The following DPH6 variants were observed in gnomAD, a reference collection of about 807,000 sequenced individuals.
DPH6 encodes diphthamine biosynthesis 6.
In DPH6, 33 loss-of-function variants were observed where a neutral mutation model predicts 38.2. The ratio of observed to expected loss-of-function variants is 0.86; its 90% CI spans 0.65 to 1.15. The LOEUF is 1.15. DPH6 is among the 50% of genes most tolerant of loss of function. The pLI, the probability that DPH6 is intolerant of heterozygous loss-of-function variation, is 0.00. For synonymous variants in DPH6, 108 were observed against 103.0 expected (o/e 1.05, Z -0.30); for missense variants, 325 against 320.0 (o/e 1.02, Z -0.12).
chr15:35,317,382 AAAAG>A (rs967128738), intron 3 of DPH6, among the ~76,000 whole-genome samples: 6 of 146,220 alleles, frequency 4.1e-5, no homozygotes, highest in East Asian at 2.0e-4. Flanking sequence ...AAAGGAAAGA[AAAAG>A]AAAGAAAAGG....
intron 3 of DPH6, among the ~76,000 whole-genome samples, chr15:35,536,709 A>G (rs972517737): frequency 6.6e-6 from 1 of 152,024 alleles, no homozygotes; most frequent in South Asian, 2.1e-4. Flanking sequence ...ATCATTTTAT[A>G]ATATTGGTTT....
intron 3 of DPH6, among the ~76,000 whole-genome samples, chr15:35,273,154 A>T (rs942402780): frequency 2.0e-5 from 3 of 151,952 alleles, no homozygotes; most frequent in South Asian, 2.1e-4. Flanking sequence ...AAAAAAAAAA[A>T]TTTAATTTCC....
chr15:35,326,440 A>T (rs1174001416), downstream of DPH6, among the ~76,000 whole-genome samples: 1 of 150,344 alleles, frequency 6.7e-6, no homozygotes, highest in Non-Finnish European at 1.5e-5. Flanking sequence ...TTTAAAAAGA[A>T]TTTTTTTTTT....
chr15:35,526,813 C>T (rs2055010249), intron 3 of DPH6, among the ~76,000 whole-genome samples: 3 of 152,116 alleles, frequency 2.0e-5, no homozygotes. Flanking sequence ...AAAAAATCAC[C>T]TATTAGAACC....
At position 35,299,479 on chromosome 15, in the gene DPH6, GC is replaced by G. The variant is rs1362901455; in HGVS notation, n.200+74041del. On this transcript the variant is annotated intron_variant and non_coding_transcript_variant, in intron 3 of 3. Coordinates refer to the DPH6 transcript ENST00000560386. Reference sequence around the variant, plus strand: ...TAATGCCGGCCCGCCCGCCGACTCTGCCCATGGGCCGCGGTGGCGGCAGCGC... The same window carrying G: ...TAATGCCGGCCCGCCCGCCGACTCTGCCATGGGCCGCGGTGGCGGCAGCGC... The G allele has an allele frequency of 8.5e-5, 64 of 755,834 alleles. No homozygotes were observed. In the Admixed American group the frequency reaches 1.0e-3, roughly 12 times the overall value. 46.8% of individuals were successfully genotyped at this position (755,834 alleles called of 1,614,324 possible).
At chr15:35,357,529 T>A (rs571993207) in intron 3 of DPH6, among the ~76,000 whole-genome samples, 1 of 152,374 alleles carries the variant, frequency 6.6e-6, no homozygotes, top group African/African-American at 2.4e-5. Context: ...TTTTCAGGAT[T>A]TATTTCAAGA....
chr15:35,498,329 G>A (rs1175065099), intron 3 of DPH6, among the ~76,000 whole-genome samples: 1 of 152,100 alleles, frequency 6.6e-6, no homozygotes, highest in Admixed American at 6.6e-5. Flanking sequence ...ACTGGTACTA[G>A]TTCTTACTCC....
intron 3 of DPH6, among the ~76,000 whole-genome samples, chr15:35,224,876 C>T (rs930247898): frequency 1.3e-5 from 2 of 152,192 alleles, no homozygotes; most frequent in African/African-American, 4.8e-5. Context: ...GTGTACCACT[C>T]AACCAATCTC....
chr15:35,499,402 T>C (rs2054597559), intron 3 of DPH6, among the ~76,000 whole-genome samples: 1 of 152,182 alleles, frequency 6.6e-6, no homozygotes, highest in Non-Finnish European at 1.5e-5. Flanking sequence ...GGCTGGTATT[T>C]GTATCTCCTC....
intron 3 of DPH6, among the ~76,000 whole-genome samples, chr15:35,282,010 A>G (rs1455814267): frequency 1.3e-5 from 2 of 152,220 alleles, no homozygotes; most frequent in African/African-American, 4.8e-5. Context: ...TTTAGACAAC[A>G]TAGTATTCAA....
chr15:35,259,402 T>G (rs1210863210), intron 3 of DPH6, among the ~76,000 whole-genome samples: 1 of 152,192 alleles, frequency 6.6e-6, no homozygotes, highest in Admixed American at 6.5e-5. Context: ...GAGCAGCTGC[T>G]TTCACGCAAA....
At chr15:35,276,245 G>A (rs2051858411) in intron 3 of DPH6, among the ~76,000 whole-genome samples, 1 of 152,136 alleles carries the variant, frequency 6.6e-6, no homozygotes, top group African/African-American at 2.4e-5. Context: ...TTTGAGAACT[G>A]TCTATTCATG....
chr15:35,540,705 T>G (rs774585801), intron 2 of DPH6, among the ~76,000 whole-genome samples: 66 of 152,092 alleles, frequency 4.3e-4, no homozygotes, highest in Non-Finnish European at 7.4e-4. Flanking sequence ...CTGAGAGGTA[T>G]AATTTAAAAA....
At chr15:35,324,625 AG>A (rs1367379043) in intron 3 of DPH6, among the ~76,000 whole-genome samples, 1 of 152,226 alleles carries the variant, frequency 6.6e-6, no homozygotes, top group East Asian at 1.9e-4. Flanking sequence ...ACTGAAAGTG[AG>A]AACATACATT....
chr15:35,516,755 T>C (rs763322129), intron 3 of DPH6, among the ~76,000 whole-genome samples: 1 of 152,168 alleles, frequency 6.6e-6, no homozygotes, highest in Non-Finnish European at 1.5e-5. Context: ...ACATGCCACA[T>C]AGTAACCCTA....
At chr15:35,491,799 TTA>T (rs1434877402) in intron 3 of DPH6, among the ~76,000 whole-genome samples, 8 of 150,146 alleles carry the variant, frequency 5.3e-5, no homozygotes, top group African/African-American at 1.5e-4. Flanking sequence ...TTATATATAT[TTA>T]TGTGTGTATA....
At chr15:35,364,667 T>C (rs2052641883) in intron 3 of DPH6, among the ~76,000 whole-genome samples, 2 of 152,118 alleles carry the variant, frequency 1.3e-5, no homozygotes, top group Admixed American at 1.3e-4. Flanking sequence ...TCTTTGAAAG[T>C]AGCCTGTTTT....
downstream of DPH6, among the ~76,000 whole-genome samples, chr15:35,213,973 G>A (rs534382471): frequency 6.4e-4 from 97 of 152,252 alleles, no homozygotes; most frequent in Middle Eastern, 3.4e-3. Context: ...TTAGCCAGAC[G>A]TGGTGGCGGG....
intron 6 of DPH6, chr15:35,396,539 T>G (rs934432461): frequency 1.3e-5 from 2 of 152,212 alleles, no homozygotes; most frequent in African/African-American, 2.4e-5. Context: ...AAAAATCCTA[T>G]CTATCCTTCA....
Sources: gnomAD v4.1 joint callset for allele counts (sites outside exome capture counted in the v4.1 genomes callset) on GRCh38, gnomAD v4.1.1 for gene constraint, MANE v1.5 for transcripts, NCBI Gene and HGNC (gene_info 2026-07-23, HGNC 2026-07-21) for gene names.